MAJIN: variants seen among roughly 807,000 people sequenced by gnomAD.
MAJIN encodes membrane anchored junction protein.
Under a neutral mutation model 30.2 loss-of-function variants are expected in MAJIN, and 27 were observed. The ratio of observed to expected loss-of-function variants is 0.89; its 90% CI spans 0.66 to 1.23. The LOEUF (loss-of-function observed/expected upper bound fraction) is 1.23, where lower values mean the gene tolerates loss of function less well. Ranked by LOEUF, MAJIN falls within the 50% of genes most tolerant of loss-of-function variation. The pLI is 0.00. For synonymous variants in MAJIN, 78 were observed against 91.6 expected (o/e 0.85, Z 0.85); for missense variants, 253 against 260.3 (o/e 0.97, Z 0.19).
chr11:64,962,215 G>A (rs1451833584), intron 1 of MAJIN, among the ~76,000 whole-genome samples: 2 of 152,240 alleles, frequency 1.3e-5, no homozygotes, highest in Non-Finnish European at 2.9e-5. Flanking sequence ...TTCATGTGTT[G>A]TACCACAGCT....
intron 1 of MAJIN, among the ~76,000 whole-genome samples, chr11:64,965,668 A>G (rs1945794721): frequency 6.6e-6 from 1 of 152,062 alleles, no homozygotes; most frequent in Admixed American, 6.6e-5. Flanking sequence ...TAGAATTCAC[A>G]TCATGCGGCT....
intron 10 of MAJIN, 114 bp downstream of exon 10, chr11:64,939,548 G>T (rs993699257): frequency 4.5e-5 from 39 of 865,978 alleles, no homozygotes; most frequent in Non-Finnish European, 6.5e-5. Context: ...CTAGACATAA[G>T]TGAGAAGCCT....
chr11:64,951,673 G>A (rs1009479859), intron 4 of MAJIN, among the ~76,000 whole-genome samples: 1 of 151,870 alleles, frequency 6.6e-6, no homozygotes, highest in South Asian at 2.1e-4. Flanking sequence ...GCTGAGGTGG[G>A]AGGGTCACCT....
At chr11:64,964,170 C>T (rs1408768994) in intron 1 of MAJIN, among the ~76,000 whole-genome samples, 2 of 152,142 alleles carry the variant, frequency 1.3e-5, no homozygotes, top group African/African-American at 2.4e-5. Flanking sequence ...TCTTGAACTC[C>T]GGACCTCAGG....
chr11:64,939,854 C>T, intron 9 of MAJIN, 87 bp from the exon 10 acceptor site: 1 of 1,167,106 alleles, frequency 8.6e-7, no homozygotes, highest in Non-Finnish European at 1.2e-6. Flanking sequence ...CAGTATGAGC[C>T]AGAGGCAGTC....
intron 4 of MAJIN, among the ~76,000 whole-genome samples, chr11:64,950,726 C>T (rs1174380349): frequency 2.6e-5 from 4 of 152,110 alleles, no homozygotes; most frequent in African/African-American, 4.8e-5. Context: ...GGACTACAGG[C>T]GTGCACCACC....
At chr11:64,945,045 G>A (rs1005934062) in intron 8 of MAJIN, among the ~76,000 whole-genome samples, 1 of 152,078 alleles carries the variant, frequency 6.6e-6, no homozygotes, top group Non-Finnish European at 1.5e-5. Flanking sequence ...GCTGATACAT[G>A]CCTAGCTCAT....
chr11:64,941,431 G>A (rs895533440), intron 8 of MAJIN, among the ~76,000 whole-genome samples: 3 of 152,130 alleles, frequency 2.0e-5, no homozygotes, highest in Non-Finnish European at 4.4e-5. Flanking sequence ...CAAGGCAGAT[G>A]GATCATCCGA....
In MAJIN at chr11:64,939,721, C is replaced by A; in HGVS notation, c.593G>T (p.Cys198Phe). ...TACQGELSHP[C>F]STTHLHLRSE... ...CCTTAGGTGGAGGTGAGTTGTGCTG[C>A]AGGGGTGGGACAATTCGCCCTGGCA... Residue 198 changes from cysteine to phenylalanine, a missense_variant, in exon 10 of 11, where the codon TGC (cysteine) becomes TTC (phenylalanine). Physicochemically the swap from Cys to Phe is radical, Grantham distance 205 (BLOSUM62 -2). Transcript: ENST00000301896. 1 of 1,614,098 alleles carries A rather than the reference C, an allele frequency of 6.2e-7. No individual in the cohort carries two copies. The highest frequency in any genetic ancestry group is 1.7e-5 in the Admixed American group (1 of 60,020).
chr11:64,949,469 T>C (rs1487417693), intron 6 of MAJIN, among the ~76,000 whole-genome samples: 2 of 152,226 alleles, frequency 1.3e-5, no homozygotes, highest in Non-Finnish European at 2.9e-5. Flanking sequence ...TCTACTACTA[T>C]TTAATCCTTT....
intron 3 of MAJIN, among the ~76,000 whole-genome samples, chr11:64,955,904 G>A (rs1053082116): frequency 7.9e-5 from 12 of 152,328 alleles, no homozygotes; most frequent in East Asian, 5.8e-4. Flanking sequence ...AGTGGCTCAC[G>A]CCTGTTAATC....
intron 1 of MAJIN, among the ~76,000 whole-genome samples, chr11:64,963,918 G>A (rs891607277): frequency 6.6e-6 from 1 of 152,130 alleles, no homozygotes; most frequent in Non-Finnish European, 1.5e-5. Context: ...TTTTAGAAAT[G>A]AGATTGAGGA....
chr11:64,958,566 C>T (rs1336595788), intron 3 of MAJIN, among the ~76,000 whole-genome samples: 1 of 131,424 alleles, frequency 7.6e-6, no homozygotes, highest in African/African-American at 2.8e-5. Context: ...CTGCAGTGAT[C>T]ACACCACTAC....
At chr11:64,966,048 T>C (rs752044756) in intron 1 of MAJIN, among the ~76,000 whole-genome samples, 5 of 148,474 alleles carry the variant, frequency 3.4e-5, no homozygotes, top group Non-Finnish European at 5.9e-5. Flanking sequence ...AGCACTTGGA[T>C]GTAAAACTGC....
intron 8 of MAJIN, among the ~76,000 whole-genome samples, chr11:64,945,687 C>G (rs1355560886): frequency 2.0e-5 from 3 of 152,108 alleles, no homozygotes; most frequent in East Asian, 1.9e-4. Context: ...AGGTGCCCAC[C>G]ACCACACTTG....
intron 1 of MAJIN, among the ~76,000 whole-genome samples, chr11:64,968,521 CT>C (rs1423748763): frequency 1.3e-5 from 2 of 151,718 alleles, no homozygotes; most frequent in East Asian, 4.0e-4. Context: ...CTCGGCTTCC[CT>C]AAATGCTGGG....
intron 4 of MAJIN, among the ~76,000 whole-genome samples, chr11:64,951,067 G>T (rs2136760984): frequency 6.6e-6 from 1 of 152,246 alleles, no homozygotes; most frequent in Non-Finnish European, 1.5e-5. Flanking sequence ...ACAGTAGTTA[G>T]CCTGGAGTCT....
intron 1 of MAJIN, among the ~76,000 whole-genome samples, chr11:64,961,449 G>A (rs1345467006): frequency 7.0e-6 from 1 of 142,154 alleles, no homozygotes; most frequent in Admixed American, 7.4e-5. Flanking sequence ...TTACAGGCAT[G>A]ACCCACTGTG....
intron 8 of MAJIN, among the ~76,000 whole-genome samples, chr11:64,943,948 A>T (rs1480133051): frequency 6.6e-6 from 1 of 152,186 alleles, no homozygotes; most frequent in Non-Finnish European, 1.5e-5. Context: ...GCCCAAAATC[A>T]CTCAGTGGGC....
Sources: allele counts gnomAD v4.1 joint callset (sites outside exome capture counted in the v4.1 genomes callset), GRCh38; gene constraint gnomAD v4.1.1; transcripts MANE v1.5; gene names NCBI Gene and HGNC (gene_info 2026-07-23, HGNC 2026-07-21).